The following PLEKHH2 variants were observed in gnomAD, a reference collection of about 807,000 sequenced individuals.
PLEKHH2 encodes the protein pleckstrin homology domain-containing family H member 2.
Under a neutral mutation model 187.9 loss-of-function variants are expected in PLEKHH2, and 129 were observed. The ratio of observed to expected loss-of-function variants is 0.69; its 90% CI spans 0.59 to 0.79. PLEKHH2 has a LOEUF of 0.79. Among genes scored for constraint, PLEKHH2 ranks in the 30% least tolerant of loss-of-function variants. The pLI is 0.00. For synonymous variants in PLEKHH2, 686 were observed against 605.6 expected, an observed-to-expected ratio of 1.13 and a Z score of -1.95; for missense variants, 2,076 against 1,751.2, an observed-to-expected ratio of 1.19 and a Z score of -3.31.
At position 43,700,194 on chromosome 2, in the gene PLEKHH2, C is replaced by A. The variant is rs771379422; in HGVS notation, c.1236C>A (p.Thr412=). The A allele has an allele frequency of 6.2e-7, 1 of 1,613,940 alleles. No homozygotes were observed. The highest frequency in any genetic ancestry group is 8.5e-7 in the Non-Finnish European group (1 of 1,179,998). The change falls in exon 8 of 30, where the codon ACC becomes ACA. Residue 412 remains threonine (T), a synonymous_variant. Transcript: ENST00000282406. ...SEANTPSPIL[T]PALMPKHPNS... is the part of the protein sequence containing the mutation. ...CCAACACCCCAAGCCCTATTTTGAC[C>A]CCAGCTTTAATGCCAAAGCATCCTA... is the stretch of plus-strand genomic sequence containing the variant.
At chr2:43,674,140 G>C (rs1419415353) in intron 2 of PLEKHH2, among the ~76,000 whole-genome samples, 1 of 152,142 alleles carries the variant, frequency 6.6e-6, no homozygotes, top group Non-Finnish European at 1.5e-5. Context: ...ATGTAACAGT[G>C]AAGCAAGCTG....
intron 19 of PLEKHH2, among the ~76,000 whole-genome samples, chr2:43,735,125 G>A (rs959931336): frequency 6.6e-6 from 1 of 152,218 alleles, no homozygotes; most frequent in Non-Finnish European, 1.5e-5. Context: ...GGGAGGTGGA[G>A]GTTGTAGTGA....
intron 3 of PLEKHH2, 95 bp from the exon 4 acceptor site, chr2:43,692,419 T>C: frequency 1.0e-6 from 1 of 1,004,832 alleles, no homozygotes; most frequent in South Asian, 1.8e-5. Context: ...TGAAGTCTTT[T>C]AGGAATCTAC....
Position 43,731,499 on chromosome 2 carries a change from TA to T in PLEKHH2, c.2841del (p.Trp948GlyfsTer17). 7 of 1,585,862 alleles carry T rather than the reference TA, an allele frequency of 4.4e-6. No individual in the cohort carries two copies. The highest frequency in any genetic ancestry group is 6.1e-6 in the Non-Finnish European group (7 of 1,155,684). ...TTTATTCTGCATTTAGCCTCTCAGATATGGAGACACCCCACTTTGTGTCACA... is the reference window on the plus strand; with the variant it reads ...TTTATTCTGCATTTAGCCTCTCAGATTGGAGACACCCCACTTTGTGTCACA... ...LNIDGEPSSQ[I>X]WRHPTLCHSK... On this transcript the variant is annotated frameshift_variant, in exon 19 of 30. Transcript: ENST00000282406. LOFTEE classifies it high-confidence loss of function.
chr2:43,678,710 G>A (rs995401250), intron 2 of PLEKHH2, among the ~76,000 whole-genome samples, 153 bp from the exon 3 acceptor site: 1 of 151,906 alleles, frequency 6.6e-6, no homozygotes, highest in South Asian at 2.1e-4. Flanking sequence ...GAAAGAGAGG[G>A]AGAGGGAGAC....
intron 19 of PLEKHH2, among the ~76,000 whole-genome samples, chr2:43,733,799 G>A (rs902900581): frequency 3.3e-5 from 5 of 152,182 alleles, no homozygotes; most frequent in African/African-American, 4.8e-5. Flanking sequence ...TGATTATTAT[G>A]CTGTTCTCTC....
At chr2:43,697,027 G>T in intron 6 of PLEKHH2, 144 bp from the exon 7 acceptor site, 1 of 560,802 alleles carries the variant, frequency 1.8e-6, no homozygotes, top group Non-Finnish European at 3.0e-6. Flanking sequence ...AAGGTTCTAT[G>T]TTATTGTACA....
chr2:43,710,584 C>CTTTTATTTT lies in PLEKHH2; in HGVS notation c.2301+13_2301+14insATTTTTTTT. ...ACAAACAAACAGTTCAGGTACTTAA[C>CTTTTATTTT]TTTTTTTTTTTTTTTTTTTTTTTTG... On this transcript the variant is annotated intron_variant, in intron 14 of 29. Transcript: ENST00000282406. The CTTTTATTTT allele has an allele frequency of 8.1e-7, 1 of 1,241,308 alleles. No individual in the cohort carries two copies. Among genetic ancestry groups the CTTTTATTTT allele is most frequent in the Non-Finnish European group, 1.0e-6 (1 of 972,022 alleles). The allele number at this position is 1,241,308 out of a possible 1,614,324, so 76.9% of individuals were successfully genotyped here.
At chr2:43,746,041 A>G in intron 24 of PLEKHH2, 78 bp downstream of exon 24, 1 of 819,654 alleles carries the variant, frequency 1.2e-6, no homozygotes, top group South Asian at 2.8e-5. Flanking sequence ...TTACCTTTCT[A>G]TTGAATGCCT....
chr2:43,738,638 T>G, intron 20 of PLEKHH2, 118 bp downstream of exon 20: 2 of 956,640 alleles, frequency 2.1e-6, no homozygotes, highest in Non-Finnish European at 3.0e-6. Context: ...GAAGGAAAAA[T>G]AGGTATTAAT....
intron 14 of PLEKHH2, 106 bp from the exon 15 acceptor site, chr2:43,712,119 G>C (rs1669995460): frequency 7.1e-7 from 1 of 1,410,014 alleles, no homozygotes; most frequent in Non-Finnish European, 9.7e-7. Flanking sequence ...GATTTAGCAT[G>C]TTTGCTTCTG....
At chr2:43,736,453 G>T (rs539821209) in intron 19 of PLEKHH2, among the ~76,000 whole-genome samples, 1 of 152,174 alleles carries the variant, frequency 6.6e-6, no homozygotes, top group African/African-American at 2.4e-5. Flanking sequence ...AGACTGCTGT[G>T]CAGAGAGGGA....
chr2:43,658,746 A>T (rs1306701137), intron 2 of PLEKHH2: 1 of 152,248 alleles, frequency 6.6e-6, no homozygotes, highest in South Asian at 2.1e-4. Context: ...TGGAAGATGC[A>T]GTGCGTCTTA....
chr2:43,720,522 T>A, intron 15 of PLEKHH2, 147 bp from the exon 16 acceptor site: 3 of 1,299,440 alleles, frequency 2.3e-6, no homozygotes, highest in East Asian at 5.3e-5. Flanking sequence ...CAGGTACATC[T>A]TAAACAGCAC....
intron 1 of PLEKHH2, among the ~76,000 whole-genome samples, chr2:43,638,112 A>G (rs1193614656): frequency 2.0e-5 from 3 of 152,144 alleles, no homozygotes; most frequent in Non-Finnish European, 4.4e-5. Flanking sequence ...CCAGAGGAGT[A>G]TGTAGTGAGG....
chr2:43,672,067 G>C (rs1489305980), intron 2 of PLEKHH2, among the ~76,000 whole-genome samples: 1 of 152,170 alleles, frequency 6.6e-6, no homozygotes, highest in Non-Finnish European at 1.5e-5. Flanking sequence ...TTGTGGGAAA[G>C]TTTTTAACTA....
intron 25 of PLEKHH2, 146 bp downstream of exon 25, chr2:43,753,906 T>TTTTA: frequency 1.5e-6 from 1 of 661,800 alleles, no homozygotes; most frequent in Non-Finnish European, 2.3e-6. Context: ...GCACTATAAT[T>TTTTA]ATAGTTTGCC....
chr2:43,681,330 C>A, intron 3 of PLEKHH2: 1 of 1,019,684 alleles, frequency 9.8e-7, no homozygotes, highest in Non-Finnish European at 1.5e-6. Context: ...TTGGTGTTCT[C>A]AGCTCCATTG....
At chr2:43,685,206 C>G (rs1234966778) in intron 3 of PLEKHH2, among the ~76,000 whole-genome samples, 6 of 152,194 alleles carry the variant, frequency 3.9e-5, no homozygotes, top group Admixed American at 3.9e-4. Context: ...CTGTATTTAT[C>G]TTAACCAAAA....
Sources: gnomAD v4.1 joint callset for allele counts (sites outside exome capture counted in the v4.1 genomes callset) on GRCh38, gnomAD v4.1.1 for gene constraint, MANE v1.5 for transcripts, NCBI Gene and HGNC (gene_info 2026-07-23, HGNC 2026-07-21) for gene names.